Variants in API5 observed in about 807,000 individuals in gnomAD.
The protein encoded by API5 is apoptosis inhibitor 5, also known as FIF.
Under a neutral mutation model 71.9 loss-of-function variants are expected in API5, and 6 were observed. The ratio of observed to expected loss-of-function variants is 0.08; its 90% CI spans 0.05 to 0.16. The LOEUF is 0.16. Ranked by LOEUF, API5 falls within the 10% of genes least tolerant of loss-of-function variation. API5 has a pLI of 1.00. For synonymous variants in API5, 189 were observed against 221.3 expected, an observed-to-expected ratio of 0.85 and a Z score of 1.30; for missense variants, 332 against 612.8, an observed-to-expected ratio of 0.54 and a Z score of 4.84.
At chr11:43,315,079 TCTAA>T (rs930665516) in intron 1 of API5, among the ~76,000 whole-genome samples, 1 of 152,200 alleles carries the variant, frequency 6.6e-6, no homozygotes, top group African/African-American at 2.4e-5. Flanking sequence ...TTGACTTCCT[TCTAA>T]CTTTTACTTT....
chr11:43,330,476 C>A, intron 10 of API5, 32 bp from the exon 11 acceptor site: 1 of 1,477,528 alleles, frequency 6.8e-7, no homozygotes, highest in Non-Finnish European at 9.5e-7. Flanking sequence ...AAGTTATTGG[C>A]AATTTGTCTT....
chr11:43,313,106 C>CAA lies in API5; in HGVS notation c.69+924_69+925dup, dbSNP rs34061133. Among the ~76,000 whole-genome samples, 411 of 106,778 alleles carry CAA rather than the reference C, an allele frequency of 3.8e-3. 1 individual carries two copies. Among genetic ancestry groups the CAA allele is most frequent in the South Asian group, 8.1e-3 (29 of 3,564 alleles). 70.1% of individuals were successfully genotyped at this position (106,778 alleles called of 152,430 possible). A position where few individuals can be genotyped will look rare whatever the true frequency, so the allele number is the denominator to read the frequency against. On this transcript the variant is annotated intron_variant, in intron 1 of 13. Transcript: ENST00000531273. ...TGGGAGACAAAGCAAGACCCCGTCTCAAAAAAAAAAAAAAAGGTTTTTTTT... is the reference window on the plus strand; with the variant it reads ...TGGGAGACAAAGCAAGACCCCGTCTCAAAAAAAAAAAAAAAAAGGTTTTTTTT...
chr11:43,340,036 A>T (rs189786721), intron 13 of API5, among the ~76,000 whole-genome samples: 2 of 152,270 alleles, frequency 1.3e-5, no homozygotes, highest in Non-Finnish European at 2.9e-5. Context: ...TATATATATA[A>T]AAACAAAACT....
chr11:43,338,662 A>AT (rs1246152238), intron 13 of API5, among the ~76,000 whole-genome samples: 1 of 151,580 alleles, frequency 6.6e-6, no homozygotes, highest in Non-Finnish European at 1.5e-5. Flanking sequence ...AAAAAAAAAA[A>AT]AAAAAAAGCA....
At chr11:43,330,333 T>G (rs1448718184) in intron 10 of API5, 175 bp from the exon 11 acceptor site, 2 of 648,838 alleles carry the variant, frequency 3.1e-6, no homozygotes, top group African/African-American at 3.7e-5. Flanking sequence ...CATCTAGATT[T>G]GTTTAGAGTC....
At chr11:43,324,780 C>G (rs921406341) in intron 6 of API5, among the ~76,000 whole-genome samples, 5 of 152,052 alleles carry the variant, frequency 3.3e-5, no homozygotes, top group Non-Finnish European at 5.9e-5. Flanking sequence ...CAGATTCAAG[C>G]AATTCTCGTG....
At chr11:43,334,132 T>G (rs61883513) in intron 11 of API5, among the ~76,000 whole-genome samples, 26,029 of 152,076 alleles carry the variant, frequency 0.17, 2,925 homozygotes, top group Non-Finnish European at 0.24. Flanking sequence ...TTAAGTTGGG[T>G]AGAAGTATGT....
At chr11:43,326,732 A>G (rs556249326) in intron 7 of API5, 121 bp downstream of exon 7, 2 of 620,616 alleles carry the variant, frequency 3.2e-6, no homozygotes, top group African/African-American at 1.8e-5. Context: ...ATGGCCAGCC[A>G]GTAATCTCCC....
At chr11:43,323,129 C>T (rs1261197707) in intron 5 of API5, among the ~76,000 whole-genome samples, 2 of 151,762 alleles carry the variant, frequency 1.3e-5, no homozygotes, top group Non-Finnish European at 2.9e-5. Context: ...AACTGCTCTC[C>T]CATGAAATTT....
chr11:43,333,000 C>T (rs927739401), intron 11 of API5, among the ~76,000 whole-genome samples: 1 of 152,124 alleles, frequency 6.6e-6, no homozygotes, highest in Non-Finnish European at 1.5e-5. Flanking sequence ...CTTTATTGCT[C>T]TGGAACTTTT....
chr11:43,332,902 A>G (rs955611033), intron 11 of API5, among the ~76,000 whole-genome samples: 1 of 152,164 alleles, frequency 6.6e-6, no homozygotes, highest in African/African-American at 2.4e-5. Flanking sequence ...TCCTGTGGTT[A>G]TCTAGAGACT....
intron 1 of API5, among the ~76,000 whole-genome samples, chr11:43,312,398 T>C (rs1334205284): frequency 1.3e-5 from 2 of 152,102 alleles, no homozygotes; most frequent in Non-Finnish European, 2.9e-5. Flanking sequence ...GTCCCCAGGG[T>C]TCCAGGCTTC....
intron 9 of API5, among the ~76,000 whole-genome samples, chr11:43,329,611 G>A (rs1318643693): frequency 6.6e-6 from 1 of 152,170 alleles, no homozygotes; most frequent in Non-Finnish European, 1.5e-5. Context: ...AACTGTAGCT[G>A]TTGTTATTAA....
intron 13 of API5, among the ~76,000 whole-genome samples, chr11:43,341,727 A>G (rs1439066695): frequency 6.6e-6 from 1 of 152,228 alleles, no homozygotes; most frequent in Non-Finnish European, 1.5e-5. Flanking sequence ...TGTTCCCAAC[A>G]CAAAGAAATT....
chr11:43,316,262 G>A (rs1232399012), intron 1 of API5, among the ~76,000 whole-genome samples: 1 of 152,166 alleles, frequency 6.6e-6, no homozygotes, highest in Non-Finnish European at 1.5e-5. Context: ...AACACCTATT[G>A]TGATATAGAC....
intron 4 of API5, among the ~76,000 whole-genome samples, chr11:43,321,742 T>C (rs1854898557): frequency 6.6e-6 from 1 of 152,178 alleles, no homozygotes; most frequent in African/African-American, 2.4e-5. Context: ...CCAAAATACC[T>C]GGGTTTTATT....
intron 1 of API5, among the ~76,000 whole-genome samples, chr11:43,314,567 G>A (rs1240336395): frequency 6.6e-6 from 1 of 152,120 alleles, no homozygotes; most frequent in Non-Finnish European, 1.5e-5. Flanking sequence ...GCTTTATTCC[G>A]TACATTTCAC....
intron 13 of API5, 163 bp downstream of exon 13, chr11:43,336,157 CCT>C: frequency 1.1e-6 from 1 of 926,320 alleles, no homozygotes; most frequent in Non-Finnish European, 1.6e-6. Flanking sequence ...TTATCCCATT[CCT>C]CTCTCATTCA....
chr11:43,333,952 A>G (rs1324257742), intron 11 of API5, among the ~76,000 whole-genome samples: 1 of 152,220 alleles, frequency 6.6e-6, no homozygotes, highest in Non-Finnish European at 1.5e-5. Context: ...TCGAGGATTC[A>G]ACATAGTAAA....
Sources: gnomAD v4.1 joint callset for allele counts (sites outside exome capture counted in the v4.1 genomes callset) on GRCh38, gnomAD v4.1.1 for gene constraint, MANE v1.5 for transcripts, NCBI Gene and HGNC (gene_info 2026-07-23, HGNC 2026-07-21) for gene names.